The following CCDC171 variants were observed in gnomAD, a reference collection of about 807,000 sequenced individuals.
CCDC171 encodes the protein coiled-coil domain containing 171, also known as coiled-coil domain-containing protein 171.
A neutral mutation model predicts 168.2 loss-of-function variants in CCDC171; 177 were observed. That is an observed-to-expected ratio of 1.05 (90% CI 0.93 to 1.19). The LOEUF (loss-of-function observed/expected upper bound fraction) is 1.19, where lower values mean the gene tolerates loss of function less well. Ranked by LOEUF, CCDC171 falls within the 50% of genes most tolerant of loss-of-function variation. CCDC171 has a pLI of 0.00. For synonymous variants in CCDC171, 687 were observed against 540.8 expected (o/e 1.27, Z -3.75); for missense variants, 1,991 against 1,539.0 (o/e 1.29, Z -4.91).
rs372668521 is a variant in CCDC171, at chr9:15,681,143, G to A, written c.1215+2247G>A. 3.1e-4 allele frequency among the ~76,000 whole-genome samples: 47 copies of A among 152,170 alleles called. 1 individual carries two copies. Among genetic ancestry groups the A allele is most frequent in the African/African-American group, 9.6e-4 (40 of 41,550 alleles). Reference sequence around the variant, plus strand: ...CAACCTTTGTTTTCCTGTTGGGACCGTCTGCACTCGTTGTATTCATTGTAT... The same window carrying A: ...CAACCTTTGTTTTCCTGTTGGGACCATCTGCACTCGTTGTATTCATTGTAT... On this transcript the variant is annotated intron_variant, in intron 10 of 25. Transcript: ENST00000380701.
chr9:15,602,814 T>C (rs1357054182), intron 6 of CCDC171, among the ~76,000 whole-genome samples: 10 of 151,274 alleles, frequency 6.6e-5, no homozygotes, highest in Admixed American at 5.9e-4. Context: ...CGCACCACCA[T>C]GCCCAGCTAA....
the CCDC171 span, among the ~76,000 whole-genome samples, chr9:16,084,415 A>G: frequency 6.6e-6 from 1 of 152,116 alleles, no homozygotes; most frequent in Non-Finnish European, 1.5e-5. Context: ...TCATCCCAGT[A>G]TTCCTGTTGT....
chr9:15,729,759 G>T lies in CCDC171; in HGVS notation c.2010G>T (p.Gln670His), dbSNP rs1221490499. ...WHRQKKELEL[Q>H]YSELFLEVQK... Reference sequence around the variant, plus strand: ...GACAAAAGAAGGAACTAGAGCTGCAGTATTCTGAACTCTTCCTGGAGGTGC... The same window carrying T: ...GACAAAAGAAGGAACTAGAGCTGCATTATTCTGAACTCTTCCTGGAGGTGC... Residue 670 changes from glutamine to histidine, a missense_variant, in exon 16 of 26, where the codon CAG (glutamine) becomes CAT (histidine). Transcript: ENST00000380701. 1 of 1,612,858 alleles carries T rather than the reference G, an allele frequency of 6.2e-7. No individual in the cohort carries two copies. The highest frequency in any genetic ancestry group is 8.5e-7 in the Non-Finnish European group (1 of 1,179,190).
intron 24 of CCDC171, chr9:15,887,665 A>G (rs1819616435): frequency 6.6e-6 from 1 of 152,160 alleles, no homozygotes; most frequent in South Asian, 2.1e-4. Context: ...GAAATAAAAG[A>G]TTGTTGCTTA....
chr9:15,999,380 A>G lies in CCDC171; in HGVS notation n.369-21209A>G, dbSNP rs371961184. Among the ~76,000 whole-genome samples the G allele has an allele frequency of 6.1e-5, 9 of 146,376 alleles. No homozygotes were observed. The East Asian group carries it at 1.5e-3, about 24-fold the overall frequency. ...GTGAGCAAGCAGGGAGGGAGGGAGG[A>G]AGGAAAGAAGGAAGGAAGGAAAGAA... On this transcript the variant is annotated intron_variant and non_coding_transcript_variant, in intron 3 of 9. Coordinates refer to the CCDC171 transcript ENST00000486641.
chr9:15,562,986 T>C (rs926158264), intron 1 of CCDC171, among the ~76,000 whole-genome samples: 4 of 152,116 alleles, frequency 2.6e-5, no homozygotes, highest in East Asian at 1.9e-4. Flanking sequence ...TGAGTTTTCT[T>C]ATAAAGTGAG....
At chr9:15,609,577 A>G (rs1032543846) in intron 6 of CCDC171, among the ~76,000 whole-genome samples, 11 of 152,246 alleles carry the variant, frequency 7.2e-5, no homozygotes, top group Middle Eastern at 3.4e-3. Flanking sequence ...TAGTTATTCA[A>G]TTGTCTGTTC....
chr9:15,640,439 A>G (rs2046517864), intron 7 of CCDC171, among the ~76,000 whole-genome samples: 1 of 152,168 alleles, frequency 6.6e-6, no homozygotes, highest in African/African-American at 2.4e-5. Flanking sequence ...AAGATTTAAA[A>G]TATTATGTAT....
At chr9:16,067,866 C>A in the CCDC171 span, among the ~76,000 whole-genome samples, 1 of 152,104 alleles carries the variant, frequency 6.6e-6, no homozygotes, top group African/African-American at 2.4e-5. Context: ...GTTACTGTAG[C>A]CTTGTAGTAT....
chr9:15,895,407 G>A (rs999972843), intron 24 of CCDC171, among the ~76,000 whole-genome samples: 5 of 152,080 alleles, frequency 3.3e-5, no homozygotes, highest in Admixed American at 3.3e-4. Context: ...AAATTCATAA[G>A]AACATTTCCA....
intron 6 of CCDC171, among the ~76,000 whole-genome samples, chr9:15,621,559 A>C (rs960159708): frequency 6.6e-6 from 1 of 152,194 alleles, no homozygotes; most frequent in Non-Finnish European, 1.5e-5. Context: ...AAGGGGATTC[A>C]TAAGAATAAG....
chr9:15,983,511 T>TGTGTGTGA (rs1554707509), intron 3 of CCDC171, among the ~76,000 whole-genome samples: 8 of 137,284 alleles, frequency 5.8e-5, no homozygotes, highest in South Asian at 2.4e-4. Context: ...TGTGTGTGTG[T>TGTGTGTGA]GAGAGAGAGA....
the CCDC171 span, among the ~76,000 whole-genome samples, chr9:16,106,195 CAG>C: frequency 4.6e-5 from 7 of 152,190 alleles, no homozygotes; most frequent in East Asian, 1.9e-4. Context: ...TTTCTCCTAA[CAG>C]GGGCCAGAAA....
intron 24 of CCDC171, among the ~76,000 whole-genome samples, chr9:15,892,066 C>T (rs557694304): frequency 3.3e-5 from 5 of 152,110 alleles, no homozygotes; most frequent in South Asian, 2.1e-4. Context: ...TTATCCACTG[C>T]GTTTCAATAT....
At chr9:15,579,113 C>T in intron 4 of CCDC171, 90 bp downstream of exon 4, 1 of 994,964 alleles carries the variant, frequency 1.0e-6, no homozygotes, top group Non-Finnish European at 1.5e-6. Context: ...CATACAGGGT[C>T]AGAGGTAAGA....
intron 22 of CCDC171, 107 bp from the exon 23 acceptor site, chr9:15,848,786 A>G (rs1359689259): frequency 1.5e-5 from 8 of 536,832 alleles, no homozygotes; most frequent in Middle Eastern, 4.7e-4. Context: ...AAAGGAGAAC[A>G]GTGATATCAG....
At position 15,744,460 on chromosome 9, in the gene CCDC171, G is replaced by A. The variant is rs1317255313; in HGVS notation, c.2237G>A (p.Cys746Tyr). 6.2e-7 allele frequency: 1 copy of A among 1,614,098 alleles called. No homozygotes were observed. The highest frequency in any genetic ancestry group is 8.5e-7 in the Non-Finnish European group (1 of 1,180,026). The change falls in exon 17 of 26, where the codon TGC becomes TAC. Residue 746 changes from cysteine (C) to tyrosine (Y), a missense_variant. Coordinates refer to ENST00000380701, the MANE Select transcript of CCDC171 (RefSeq NM_173550.4). ...TTATATCCCCTCTATAGCCGATCAT[G>A]CGCCTTGTCTACACAGAGAGATTTT... ...GALYPLYSRS[C>Y]ALSTQRDFLQ...
chr9:15,729,736 C>T lies in CCDC171; in HGVS notation c.1987C>T (p.Gln663Ter). The T allele has an allele frequency of 1.2e-6, 2 of 1,613,194 alleles. No individual in the cohort carries two copies. The highest frequency in any genetic ancestry group is 1.3e-5 in the African/African-American group (1 of 74,946). The change falls in exon 16 of 26, where the codon CAA (glutamine) becomes TAA (stop). Residue 663 changes from glutamine to a stop codon, truncating the protein, a stop_gained. Transcript: ENST00000380701. LOFTEE classifies it high-confidence loss of function. ...IKAQESCWHRQKKELELQYSE... is the reference protein window; with the variant it reads ...IKAQESCWHR ...AGCCCAAGAGAGCTGCTGGCACAGA[C>T]AAAAGAAGGAACTAGAGCTGCAGTA...
Position 15,931,456 on chromosome 9 carries a change from CTTTTTTT to C in CCDC171, c.3753+11050_3753+11056del, listed in dbSNP as rs57124025. Among the ~76,000 whole-genome samples the C allele has an allele frequency of 6.7e-3, 303 of 45,006 alleles. 2 individuals carry two copies. The highest frequency in any genetic ancestry group is 0.023 in the African/African-American group (284 of 12,398). The allele number at this position is 45,006 out of a possible 152,430, so 29.5% of individuals were successfully genotyped here. On this transcript the variant is annotated intron_variant, in intron 25 of 25. Transcript: ENST00000380701. ...GGGGTCTTTCTTTCTTTCTTTCTTTCTTTTTTTTTTTTTTTTTTTTTTGCTGTTGAGT... is the reference window on the plus strand; with the variant it reads ...GGGGTCTTTCTTTCTTTCTTTCTTTCTTTTTTTTTTTTTTTGCTGTTGAGT...
Sources: gnomAD v4.1 joint callset for allele counts (sites outside exome capture counted in the v4.1 genomes callset) on GRCh38, gnomAD v4.1.1 for gene constraint, MANE v1.5 for transcripts, NCBI Gene and HGNC (gene_info 2026-07-23, HGNC 2026-07-21) for gene names.